Variants in RETREG3 observed in about 807,000 individuals in gnomAD.
RETREG3 encodes reticulophagy regulator family member 3.
In RETREG3, 23 loss-of-function variants were observed where a neutral mutation model predicts 50.2. The observed-to-expected ratio is 0.46, with a 90% CI of 0.33 to 0.65. The LOEUF is 0.65. Ranked by LOEUF, RETREG3 falls within the 30% of genes least tolerant of loss-of-function variation. The pLI, the probability that RETREG3 is intolerant of heterozygous loss-of-function variation, is 0.02. For synonymous variants in RETREG3, 240 were observed against 234.4 expected (o/e 1.02, Z -0.22); for missense variants, 546 against 598.0 (o/e 0.91, Z 0.91).
chr17:42,607,769 G>A (rs1180095964), intron 1 of RETREG3, among the ~76,000 whole-genome samples: 1 of 150,918 alleles, frequency 6.6e-6, no homozygotes, highest in East Asian at 1.9e-4. Flanking sequence ...TCACGCCATT[G>A]CACTCCAGCC....
At chr17:42,605,228 GA>G (rs1401281491) in intron 1 of RETREG3, 3 of 138,490 alleles carry the variant, frequency 2.2e-5, no homozygotes, top group African/African-American at 8.3e-5. Context: ...ACAAAACACT[GA>G]AAATTAAGAG....
At chr17:42,604,167 T>G (rs573743631) in intron 1 of RETREG3, among the ~76,000 whole-genome samples, 175 of 152,042 alleles carry the variant, frequency 1.2e-3, no homozygotes, top group Middle Eastern at 3.4e-3. Context: ...TTTATTTTTT[T>G]GGGGGGGCGG....
At chr17:42,596,924 G>A (rs1464985868) in intron 1 of RETREG3, among the ~76,000 whole-genome samples, 1 of 148,986 alleles carries the variant, frequency 6.7e-6, no homozygotes, top group African/African-American at 2.5e-5. Context: ...CCAGGCTGAA[G>A]TGCAATGGCG....
chr17:42,583,355 C>CA, intron 7 of RETREG3, 143 bp downstream of exon 7: 1 of 632,790 alleles, frequency 1.6e-6, no homozygotes. Context: ...GATCTAGGAA[C>CA]AAAGTCTCAC....
rs772178308 is a variant in RETREG3, at chr17:42,582,756, G to C, written c.861C>G (p.His287Gln). 2 of 1,614,118 alleles carry C rather than the reference G, an allele frequency of 1.2e-6. No individual in the cohort carries two copies. Among genetic ancestry groups the C allele is most frequent in the African/African-American group, 2.7e-5 (2 of 74,936 alleles). ...ARELAITDSEHSDAEVSCTDN... is the reference protein window; with the variant it reads ...ARELAITDSEQSDAEVSCTDN... The stretch of plus-strand genomic sequence containing the variant: ...CTGTACAGGAGACTTCAGCGTCTGA[G>C]TGCTCAGAGTCTGTGATGGCCAATT... Residue 287 changes from histidine to glutamine, a missense_variant, in exon 8 of 9, where the codon CAC becomes CAG. By Grantham distance (24) the His-to-Gln change is conservative. Coordinates refer to ENST00000309428, the MANE Select transcript of RETREG3 (RefSeq NM_178126.4).
At chr17:42,606,082 A>G (rs1193657001) in intron 1 of RETREG3, among the ~76,000 whole-genome samples, 1 of 151,942 alleles carries the variant, frequency 6.6e-6, no homozygotes, top group Non-Finnish European at 1.5e-5. Flanking sequence ...AACAAGAGTA[A>G]CTGTGTTCTG....
At chr17:42,600,905 A>G (rs911662951) in intron 1 of RETREG3, among the ~76,000 whole-genome samples, 11 of 152,304 alleles carry the variant, frequency 7.2e-5, no homozygotes, top group African/African-American at 2.4e-4. Flanking sequence ...TGAGCTCAGG[A>G]GTTCCAGGGT....
In RETREG3 at chr17:42,582,060, C is replaced by A. The variant is rs756278847; in HGVS notation, c.1154G>T (p.Gly385Val). 8 of 1,613,952 alleles carry A rather than the reference C, an allele frequency of 5.0e-6. No individual in the cohort carries two copies. The highest frequency in any genetic ancestry group is 1.3e-5 in the African/African-American group (1 of 74,894). Residue 385 changes from glycine to valine, a missense_variant, in exon 9 of 9, where the codon GGT becomes GTT. Transcript: ENST00000309428. ...DEAALPELLL[G>V]ALPVGSNLTS... ...GAGGTTGGATCCTACAGGAAGAGCA[C>A]CAAGCAGGAGCTCCGGCAGCGCAGC...
In RETREG3 at chr17:42,609,320, G is replaced by A. The variant is rs748920342; in HGVS notation, c.5C>T (p.Ala2Val). The change falls in exon 1 of 9, where the codon GCT (alanine) becomes GTT (valine). Residue 2 changes from alanine (A) to valine (V), a missense_variant. Ala to Val is a moderately conservative substitution (Grantham distance 64). Transcript: ENST00000309428. Reference sequence around the variant, plus strand: ...GGTCGTGGGAACCCCTTCGGCCTCAGCCATCTCCCCGCGGCAGCCACAACA... The same window carrying A: ...GGTCGTGGGAACCCCTTCGGCCTCAACCATCTCCCCGCGGCAGCCACAACA... Reference protein sequence around the residue: MAEAEGVPTTPG... With the variant: MVEAEGVPTTPG... 6.3e-7 allele frequency: 1 copy of A among 1,597,116 alleles called. No individual in the cohort carries two copies. The highest frequency in any genetic ancestry group is 1.7e-5 in the Admixed American group (1 of 59,600).
At chr17:42,595,666 CTTTT>C (rs770492649) in intron 1 of RETREG3, among the ~76,000 whole-genome samples, 3 of 134,452 alleles carry the variant, frequency 2.2e-5, no homozygotes, top group South Asian at 2.3e-4. Context: ...TTCTTTCTTT[CTTTT>C]TTTTTTTTTT....
At position 42,585,092 on chromosome 17, in the gene RETREG3, C is replaced by T. The variant is rs1555628673; in HGVS notation, c.727+33G>A. The T allele has an allele frequency of 6.9e-6, 11 of 1,605,542 alleles. No individual in the cohort carries two copies. In the Admixed American group the frequency reaches 1.0e-4, roughly 15 times the overall value. The stretch of plus-strand genomic sequence containing the variant: ...GGCTTCTCCTTTTCGCCCCAAATTG[C>T]GTAAGTGGAAAGAATGACACCATGA... On this transcript the variant is annotated intron_variant, in intron 6 of 8. Coordinates refer to ENST00000309428, the MANE Select transcript of RETREG3 (RefSeq NM_178126.4).
intron 4 of RETREG3, 88 bp from the exon 5 acceptor site, chr17:42,586,225 A>T (rs1403497139): frequency 8.3e-7 from 1 of 1,200,876 alleles, no homozygotes; most frequent in African/African-American, 1.5e-5. Context: ...ATATGACAGA[A>T]AGACTCTGTA....
intron 1 of RETREG3, chr17:42,608,746 G>C: frequency 3.8e-6 from 1 of 262,390 alleles, no homozygotes; most frequent in Non-Finnish European, 7.2e-6. Flanking sequence ...GCAGACAAGA[G>C]AAAGGAAGTG....
chr17:42,597,372 A>G (rs2093147360), intron 1 of RETREG3, among the ~76,000 whole-genome samples: 2 of 148,958 alleles, frequency 1.3e-5, no homozygotes, highest in South Asian at 4.2e-4. Context: ...TATTTTTAGT[A>G]GAGACGGGGT....
intron 7 of RETREG3, 121 bp from the exon 8 acceptor site, chr17:42,582,927 GGATA>G: frequency 7.7e-7 from 1 of 1,291,962 alleles, no homozygotes; most frequent in Non-Finnish European, 1.1e-6. Flanking sequence ...ATGTAACCAG[GGATA>G]GATGGTAACT....
At chr17:42,602,568 T>G (rs80275435) in intron 1 of RETREG3, among the ~76,000 whole-genome samples, 6,745 of 152,268 alleles carry the variant, frequency 0.044, 518 homozygotes, top group African/African-American at 0.15. Flanking sequence ...AACTACTTGC[T>G]AGAAAGGCTG....
chr17:42,596,448 T>C (rs919133063), intron 1 of RETREG3: 15 of 151,464 alleles, frequency 9.9e-5, no homozygotes, highest in Non-Finnish European at 1.9e-4. Context: ...TTTATCTGCT[T>C]GTGAGTTTTT....
At chr17:42,582,493 A>G (rs1460526877) in intron 8 of RETREG3, among the ~76,000 whole-genome samples, 181 bp downstream of exon 8, 1 of 152,206 alleles carries the variant, frequency 6.6e-6, no homozygotes, top group East Asian at 1.9e-4. Flanking sequence ...CTAAGGGACT[A>G]AAGTCTTCAA....
At chr17:42,603,876 C>T (rs1006622261) in intron 1 of RETREG3, among the ~76,000 whole-genome samples, 1 of 151,956 alleles carries the variant, frequency 6.6e-6, no homozygotes, top group African/African-American at 2.4e-5. Context: ...ACTCGGGAGG[C>T]TGAGGCAGGA....
Sources: allele counts gnomAD v4.1 joint callset (sites outside exome capture counted in the v4.1 genomes callset), GRCh38; gene constraint gnomAD v4.1.1; transcripts MANE v1.5; gene names NCBI Gene and HGNC (gene_info 2026-07-23, HGNC 2026-07-21).